Variants in TMEM9 observed in about 807,000 individuals in gnomAD.
TMEM9 encodes the protein proton-transporting V-type ATPase complex assembly regulator TMEM9.
A neutral mutation model predicts 22.8 loss-of-function variants in TMEM9; 13 were observed. The ratio of observed to expected loss-of-function variants is 0.57; its 90% CI spans 0.37 to 0.91. The LOEUF is 0.91. Among genes scored for constraint, TMEM9 ranks in the 40% least tolerant of loss-of-function variants. The pLI, the probability that TMEM9 is intolerant of heterozygous loss-of-function variation, is 0.01. For synonymous variants in TMEM9, 88 were observed against 93.0 expected (o/e 0.95, Z 0.31); for missense variants, 182 against 238.1 (o/e 0.76, Z 1.55).
upstream of TMEM9, among the ~76,000 whole-genome samples, chr1:201,156,229 AAACT>A (rs1224382465): frequency 2.6e-5 from 4 of 152,156 alleles, no homozygotes; most frequent in Non-Finnish European, 5.9e-5. Context: ...TTGTGGCATC[AAACT>A]ATCTTTGACT....
In TMEM9 at chr1:201,146,883, G is replaced by A. The variant is rs201390232; in HGVS notation, c.159-35C>T. The A allele has an allele frequency of 1.5e-4, 238 of 1,600,836 alleles. 1 individual carries two copies. In the African/African-American group the frequency reaches 2.5e-3, roughly 17 times the overall value. On this transcript the variant is annotated intron_variant, in intron 2 of 4. Transcript: ENST00000367330. ...AGAGAGACAGGGCTGTCGAGGCAGG[G>A]CCACCACGTCTTAGAGCCTCAAGAC...
chr1:201,148,123 C>T (rs953244556), intron 2 of TMEM9, among the ~76,000 whole-genome samples: 1 of 152,240 alleles, frequency 6.6e-6, no homozygotes, highest in Non-Finnish European at 1.5e-5. Context: ...GACCCACTTT[C>T]ATCTAACAGC....
rs544610248 is a variant in TMEM9, at chr1:201,146,076, G to A, written c.267+664C>T. On this transcript the variant is annotated intron_variant, in intron 3 of 4. Transcript: ENST00000367330. ...AGGAAGCCGCACTGGGGGGCTGGGG[G>A]TCATGACGGTCTCTGCTAGGGCGGC... 2.6e-5 allele frequency among the ~76,000 whole-genome samples: 4 copies of A among 152,356 alleles called. No homozygotes were observed. In the South Asian group the frequency reaches 8.3e-4, roughly 32 times the overall value.
At chr1:201,140,696 T>TGGGGCGTAGGGCCTGAAAGCTC (rs2102233695) in intron 4 of TMEM9, among the ~76,000 whole-genome samples, 1 of 152,262 alleles carries the variant, frequency 6.6e-6, no homozygotes, top group African/African-American at 2.4e-5. Flanking sequence ...GTCCCAGACT[T>TGGGGCGTAGGGCCTGAAAGCTC]CTGGGGCGTA....
At chr1:201,162,555 G>C (rs1472117530) in intron 1 of TMEM9, among the ~76,000 whole-genome samples, 1 of 148,922 alleles carries the variant, frequency 6.7e-6, no homozygotes, top group Non-Finnish European at 1.5e-5. Context: ...AAAAAACCCT[G>C]ACTGAAGTCT....
In TMEM9 at chr1:201,148,288, T is replaced by G. The variant is rs1665148772; in HGVS notation, c.159-1440A>C. 5.9e-5 allele frequency among the ~76,000 whole-genome samples: 9 copies of G among 152,328 alleles called. No homozygotes were observed. In the South Asian group the frequency reaches 1.9e-3, roughly 32 times the overall value. ...GTCTTTACTTCTGACTCAGCCTCAG[T>G]GGGGCCTGGGCTGGTACCTGGCTTG... On this transcript the variant is annotated intron_variant, in intron 2 of 4. Transcript: ENST00000367330.
rs561221855 is a variant in TMEM9 at position 201,166,383 on chromosome 1, A to G, written c.-37+5107T>C. Among the ~76,000 whole-genome samples the G allele has an allele frequency of 4.1e-5, 6 of 147,408 alleles. No individual in the cohort carries two copies. In the South Asian group the frequency reaches 1.1e-3, roughly 26 times the overall value. On this transcript the variant is annotated intron_variant, in intron 1 of 5. Transcript: ENST00000367333. ...CTATGATTCTTTTTTTTTTTTTGAT[A>G]CAGAGTCTCACTCTGTCACCCAGGC...
intron 1 of TMEM9, among the ~76,000 whole-genome samples, chr1:201,167,843 A>T (rs1221984853): frequency 6.6e-6 from 1 of 152,198 alleles, no homozygotes; most frequent in Non-Finnish European, 1.5e-5. Context: ...CAAGGATGGG[A>T]TTACCTTTGC....
At chr1:201,147,579 C>T (rs1665080077) in intron 2 of TMEM9, among the ~76,000 whole-genome samples, 2 of 152,238 alleles carry the variant, frequency 1.3e-5, no homozygotes, top group South Asian at 2.1e-4. Context: ...AGCCTCCGCG[C>T]TGCCCTCCTG....
intron 1 of TMEM9, among the ~76,000 whole-genome samples, chr1:201,171,082 G>A (rs1104223): frequency 0.88 from 134,626 of 152,202 alleles, 59,557 homozygotes; most frequent in East Asian, 0.93. Context: ...AACCCGGGGA[G>A]AAATGTAACC....
At position 201,154,324 on chromosome 1, in the gene TMEM9, C is replaced by T. The variant is rs1266168868; in HGVS notation, c.-401G>A. ...CCGACGGGAACTTTTGGGTGCGAGT[C>T]TGGGACCCCTGCTCCGACGGCGAAG... On this transcript the variant is annotated 5_prime_UTR_variant, in exon 1 of 5. Transcript: ENST00000367330. 1 of 185,412 alleles carries T rather than the reference C, an allele frequency of 5.4e-6. No homozygotes were observed. The highest frequency in any genetic ancestry group is 1.1e-5 in the Non-Finnish European group (1 of 87,134). 11.5% of individuals were successfully genotyped at this position (185,412 alleles called of 1,614,324 possible). A position where few individuals can be genotyped will look rare whatever the true frequency, so the allele number is the denominator to read the frequency against.
At chr1:201,152,710 C>T (rs184465505) in intron 1 of TMEM9, among the ~76,000 whole-genome samples, 106 of 152,272 alleles carry the variant, frequency 7.0e-4, no homozygotes, top group Admixed American at 2.7e-3. Flanking sequence ...ACTAGCACCC[C>T]TAAAACAAAA....
upstream of TMEM9, among the ~76,000 whole-genome samples, chr1:201,156,348 C>T (rs529040109): frequency 6.6e-6 from 1 of 152,288 alleles, no homozygotes; most frequent in Non-Finnish European, 1.5e-5. Flanking sequence ...CCCTGAAATG[C>T]ACTCCCTTCC....
chr1:201,153,280 T>G (rs1308173499), intron 1 of TMEM9, among the ~76,000 whole-genome samples: 1 of 152,236 alleles, frequency 6.6e-6, no homozygotes, highest in Non-Finnish European at 1.5e-5. Context: ...TTGTCAGGAA[T>G]GGTGGTGATG....
At chr1:201,143,793 G>C (rs748816838) in intron 4 of TMEM9, 27 bp downstream of exon 4, 22 of 1,612,230 alleles carry the variant, frequency 1.4e-5, no homozygotes, top group Non-Finnish European at 1.9e-5. Context: ...CAGGGACCCA[G>C]GGCCTGGGCA....
intron 1 of TMEM9, among the ~76,000 whole-genome samples, chr1:201,164,429 A>T (rs185671686): frequency 1.4e-3 from 206 of 152,318 alleles, no homozygotes; most frequent in Middle Eastern, 6.8e-3. Context: ...TTAATTTTTT[A>T]AAAGCCTACC....
intron 1 of TMEM9, among the ~76,000 whole-genome samples, chr1:201,170,549 T>C (rs1220324528): frequency 1.3e-5 from 2 of 152,158 alleles, no homozygotes; most frequent in Admixed American, 6.5e-5. Flanking sequence ...CTGACAAGTC[T>C]GAGAACACGA....
intron 4 of TMEM9, among the ~76,000 whole-genome samples, chr1:201,139,188 G>A (rs772447064): frequency 2.0e-5 from 3 of 152,184 alleles, no homozygotes; most frequent in Non-Finnish European, 4.4e-5. Flanking sequence ...CAGGGAGAGT[G>A]AGAACCCCAC....
intron 1 of TMEM9, among the ~76,000 whole-genome samples, chr1:201,170,179 TCAC>T (rs1239617508): frequency 6.6e-6 from 1 of 152,170 alleles, no homozygotes. Context: ...TATTCTCAGG[TCAC>T]TATTCAGCAT....
Sources: gnomAD v4.1 joint callset for allele counts (sites outside exome capture counted in the v4.1 genomes callset) on GRCh38, gnomAD v4.1.1 for gene constraint, MANE v1.5 for transcripts, NCBI Gene and HGNC (gene_info 2026-07-23, HGNC 2026-07-21) for gene names.